Variants in EFCAB11 observed in about 807,000 individuals in gnomAD.
EFCAB11 encodes the protein EF-hand calcium binding domain 11.
A neutral mutation model predicts 23.0 loss-of-function variants in EFCAB11; 14 were observed. The observed-to-expected ratio is 0.61, with a 90% confidence interval of 0.40 to 0.95. The LOEUF is 0.95. Ranked by LOEUF, EFCAB11 falls within the 40% of genes least tolerant of loss-of-function variation. The pLI, the probability that EFCAB11 is intolerant of heterozygous loss-of-function variation, is 0.00. For synonymous variants in EFCAB11, 65 were observed against 66.6 expected, an observed-to-expected ratio of 0.98 and a Z score of 0.11; for missense variants, 198 against 195.8, an observed-to-expected ratio of 1.01 and a Z score of -0.07.
At chr14:89,867,964 A>G (rs1302085323) in intron 5 of EFCAB11, among the ~76,000 whole-genome samples, 1 of 152,198 alleles carries the variant, frequency 6.6e-6, no homozygotes, top group African/African-American at 2.4e-5. Flanking sequence ...ACATCAAGAT[A>G]TGGATGAACC....
intron 5 of EFCAB11, among the ~76,000 whole-genome samples, chr14:89,845,691 G>A (rs1367997200): frequency 6.6e-6 from 1 of 152,160 alleles, no homozygotes. Context: ...GCAGTGAAGG[G>A]CACTGTCTTA....
At chr14:89,847,421 A>C (rs1217501230) in intron 5 of EFCAB11, among the ~76,000 whole-genome samples, 2 of 152,120 alleles carry the variant, frequency 1.3e-5, no homozygotes, top group African/African-American at 4.8e-5. Context: ...TGCTGAGTGG[A>C]GGCCCATATG....
Position 89,795,501 on chromosome 14 carries a change from C to T in EFCAB11, c.*1742G>A, listed in dbSNP as rs1885548146. 1 of 151,636 alleles carries T rather than the reference C, an allele frequency of 6.6e-6. No individual in the cohort carries two copies. The highest frequency in any genetic ancestry group is 2.1e-4 in the South Asian group (1 of 4,790). 9.4% of individuals were successfully genotyped at this position (151,636 alleles called of 1,614,324 possible). A position where few individuals can be genotyped will look rare whatever the true frequency, so the allele number is the denominator to read the frequency against. ...ACCAGCCTGGCCAACATGGTGAAAC[C>T]CCTTCTCTACTAAAAATTAGCCGGG... On this transcript the variant is annotated 3_prime_UTR_variant, in exon 6 of 6. Transcript: ENST00000316738.
At chr14:89,839,788 A>AG (rs1887198772) in intron 5 of EFCAB11, among the ~76,000 whole-genome samples, 1 of 149,094 alleles carries the variant, frequency 6.7e-6, no homozygotes, top group Non-Finnish European at 1.5e-5. Context: ...TGGCTGGAGC[A>AG]GGGGGAAGAG....
chr14:89,916,714 G>A (rs535013414), intron 5 of EFCAB11, among the ~76,000 whole-genome samples: 1 of 152,186 alleles, frequency 6.6e-6, no homozygotes. Flanking sequence ...TTTACAAGGA[G>A]AGAACAAGAG....
intron 2 of EFCAB11, among the ~76,000 whole-genome samples, chr14:89,950,719 T>TA (rs1378967571): frequency 6.6e-6 from 1 of 152,166 alleles, no homozygotes; most frequent in Admixed American, 6.5e-5. Flanking sequence ...AATGTTAAAA[T>TA]ATAAGCCCTT....
chr14:89,803,265 T>C (rs1369934767), intron 5 of EFCAB11, among the ~76,000 whole-genome samples: 3 of 152,200 alleles, frequency 2.0e-5, no homozygotes, highest in African/African-American at 7.2e-5. Context: ...AAGAAAATGA[T>C]TTCAGGGTCA....
intron 5 of EFCAB11, among the ~76,000 whole-genome samples, chr14:89,879,695 T>G (rs1385876121): frequency 6.6e-6 from 1 of 152,214 alleles, no homozygotes; most frequent in Non-Finnish European, 1.5e-5. Flanking sequence ...TAATTTGCAC[T>G]GCTGGGCTCA....
At chr14:89,818,733 T>C (rs1032891485) in intron 5 of EFCAB11, among the ~76,000 whole-genome samples, 7 of 152,136 alleles carry the variant, frequency 4.6e-5, no homozygotes, top group Non-Finnish European at 8.8e-5. Context: ...GAACAGATAC[T>C]TCACTAAAGA....
intron 3 of EFCAB11, among the ~76,000 whole-genome samples, chr14:89,936,300 T>C (rs572125138): frequency 1.8e-4 from 28 of 152,360 alleles, no homozygotes; most frequent in Admixed American, 1.4e-3. Flanking sequence ...TGAGTGGTGA[T>C]ATCTTTTAAA....
At chr14:89,951,578 A>G (rs1485775902) in intron 2 of EFCAB11, among the ~76,000 whole-genome samples, 7 of 152,118 alleles carry the variant, frequency 4.6e-5, no homozygotes, top group African/African-American at 7.2e-5. Flanking sequence ...ACTAGCAACT[A>G]GCAAGTACTC....
chr14:89,814,427 G>A (rs1392637014), intron 5 of EFCAB11, among the ~76,000 whole-genome samples: 2 of 152,018 alleles, frequency 1.3e-5, no homozygotes, highest in African/African-American at 2.4e-5. Context: ...CCAGCAGGCC[G>A]GGAGCAGTGG....
At chr14:89,813,867 C>T (rs1886234502) in intron 5 of EFCAB11, among the ~76,000 whole-genome samples, 1 of 152,136 alleles carries the variant, frequency 6.6e-6, no homozygotes, top group Non-Finnish European at 1.5e-5. Context: ...AAAGATGTTA[C>T]GGGCAGAACT....
intron 5 of EFCAB11, among the ~76,000 whole-genome samples, chr14:89,872,425 G>A (rs1352606878): frequency 6.6e-6 from 1 of 152,148 alleles, no homozygotes; most frequent in East Asian, 1.9e-4. Flanking sequence ...CTTGTGCAGG[G>A]GTCTGGGTAG....
chr14:89,925,924 G>A (rs140544828), intron 5 of EFCAB11, among the ~76,000 whole-genome samples: 8,465 of 152,172 alleles, frequency 0.056, 403 homozygotes, highest in African/African-American at 0.12. Context: ...CGCCTCCAAA[G>A]TTCAAGCAAT....
intron 5 of EFCAB11, among the ~76,000 whole-genome samples, chr14:89,891,486 T>C (rs985168656): frequency 1.1e-4 from 16 of 152,166 alleles, no homozygotes; most frequent in Admixed American, 9.2e-4. Flanking sequence ...AACAATGTAT[T>C]GTCAGAAGCA....
chr14:89,890,296 C>T (rs558140761), intron 5 of EFCAB11, among the ~76,000 whole-genome samples: 1 of 152,184 alleles, frequency 6.6e-6, no homozygotes, highest in African/African-American at 2.4e-5. Context: ...ATTTAGCTTA[C>T]AACTTCTAAA....
intron 5 of EFCAB11, chr14:89,892,000 C>G: frequency 6.6e-7 from 1 of 1,507,920 alleles, no homozygotes; most frequent in Non-Finnish European, 8.9e-7. Flanking sequence ...TCTGGGACAC[C>G]GCGGGCCACG....
At chr14:89,918,586 G>GA (rs1889925699) in intron 5 of EFCAB11, among the ~76,000 whole-genome samples, 2 of 151,518 alleles carry the variant, frequency 1.3e-5, no homozygotes, top group Admixed American at 1.3e-4. Context: ...AAGGAATACA[G>GA]AAAAGAGATG....
Sources: allele counts gnomAD v4.1 joint callset (sites outside exome capture counted in the v4.1 genomes callset), GRCh38; gene constraint gnomAD v4.1.1; transcripts MANE v1.5; gene names NCBI Gene and HGNC (gene_info 2026-07-23, HGNC 2026-07-21).